TOX: variants seen among roughly 807,000 people sequenced by gnomAD.
TOX encodes the protein thymocyte selection associated high mobility group box.
TOX carries 11 observed loss-of-function variants against 53.7 expected under a neutral mutation model. The observed-to-expected ratio is 0.20, with a 90% confidence interval of 0.13 to 0.34. The LOEUF (loss-of-function observed/expected upper bound fraction) is 0.34, where lower values mean the gene tolerates loss of function less well. TOX is among the 10% of genes least tolerant of loss of function. The pLI is 1.00. For synonymous variants in TOX, 225 were observed against 245.3 expected, an observed-to-expected ratio of 0.92 and a Z score of 0.77; for missense variants, 570 against 664.6, an observed-to-expected ratio of 0.86 and a Z score of 1.56.
chr8:58,925,303 G>C (rs1812137190), intron 3 of TOX, among the ~76,000 whole-genome samples: 1 of 152,174 alleles, frequency 6.6e-6, no homozygotes. Context: ...AAACTCACAT[G>C]AGAATAAAGA....
intron 1 of TOX, among the ~76,000 whole-genome samples, chr8:59,036,432 T>C (rs1176071614): frequency 6.6e-6 from 1 of 152,188 alleles, no homozygotes; most frequent in African/African-American, 2.4e-5. Flanking sequence ...GGAGACTGTG[T>C]TATCTCTACT....
intron 1 of TOX, among the ~76,000 whole-genome samples, chr8:59,020,436 T>C (rs1376036649): frequency 6.6e-6 from 1 of 152,172 alleles, no homozygotes; most frequent in Non-Finnish European, 1.5e-5. Context: ...CAAAACTCAC[T>C]CTACTTTCCA....
chr8:58,817,242 G>A (rs557928060), intron 6 of TOX, among the ~76,000 whole-genome samples: 1 of 152,190 alleles, frequency 6.6e-6, no homozygotes, highest in Admixed American at 6.5e-5. Context: ...TGTTGATGCA[G>A]CTTTCTGAAA....
Position 58,872,581 on chromosome 8 carries a change from T to G in TOX, c.412-20776A>C, listed in dbSNP as rs183782847. 6.8e-3 allele frequency among the ~76,000 whole-genome samples: 1,038 copies of G among 152,250 alleles called. 4 individuals are homozygous for G. Among genetic ancestry groups the G allele is most frequent in the Middle Eastern group, 0.02 (6 of 294 alleles). ...CTGATAATGTGGACCCTTGAAATGA[T>G]GTGATGAGAATGGCACTTTACCTCT... On this transcript the variant is annotated intron_variant, in intron 3 of 8. Coordinates refer to ENST00000361421, the MANE Select transcript of TOX (RefSeq NM_014729.3).
intron 3 of TOX, among the ~76,000 whole-genome samples, chr8:58,893,553 A>G (rs1201605894): frequency 6.6e-6 from 1 of 152,202 alleles, no homozygotes; most frequent in Non-Finnish European, 1.5e-5. Context: ...TTAATTTGTT[A>G]TAAGTTCAGT....
chr8:58,854,124 G>A (rs1810871367), intron 3 of TOX, among the ~76,000 whole-genome samples: 1 of 152,110 alleles, frequency 6.6e-6, no homozygotes, highest in East Asian at 1.9e-4. Flanking sequence ...ATGTTTTATA[G>A]CCTTGTAAAT....
At chr8:59,038,200 T>C (rs922701584) in intron 1 of TOX, among the ~76,000 whole-genome samples, 1 of 152,254 alleles carries the variant, frequency 6.6e-6, no homozygotes, top group African/African-American at 2.4e-5. Context: ...CATTTCGATC[T>C]GTCATAACAG....
At chr8:58,970,975 T>C (rs566884446) in intron 1 of TOX, among the ~76,000 whole-genome samples, 2 of 152,358 alleles carry the variant, frequency 1.3e-5, no homozygotes, top group Middle Eastern at 3.4e-3. Flanking sequence ...TTTCCACATC[T>C]TCCTATTCTA....
At chr8:59,066,560 A>G (rs949105171) in intron 1 of TOX, among the ~76,000 whole-genome samples, 6 of 152,162 alleles carry the variant, frequency 3.9e-5, no homozygotes, top group African/African-American at 1.4e-4. Context: ...TTAATTACAG[A>G]TTGCCTGCCT....
chr8:59,013,845 C>A (rs1043851259), intron 1 of TOX, among the ~76,000 whole-genome samples: 1 of 152,212 alleles, frequency 6.6e-6, no homozygotes, highest in Non-Finnish European at 1.5e-5. Context: ...CAAGAAAAAT[C>A]AAGTCATGTT....
chr8:59,002,629 A>T (rs951660402), intron 1 of TOX, among the ~76,000 whole-genome samples: 2 of 152,022 alleles, frequency 1.3e-5, no homozygotes, highest in Non-Finnish European at 2.9e-5. Context: ...AAACAAAAAA[A>T]ATCAGGCATA....
At chr8:58,970,957 A>G (rs995392410) in intron 1 of TOX, among the ~76,000 whole-genome samples, 1 of 152,176 alleles carries the variant, frequency 6.6e-6, no homozygotes, top group African/African-American at 2.4e-5. Context: ...ACCAGATCCT[A>G]CTTTAGTTTT....
In TOX at chr8:58,966,406, C is replaced by T. The variant is rs564472188; in HGVS notation, c.103-6398G>A. On this transcript the variant is annotated intron_variant, in intron 1 of 8. Coordinates refer to ENST00000361421, the MANE Select transcript of TOX (RefSeq NM_014729.3). The stretch of plus-strand genomic sequence containing the variant: ...CAACTCAGGAGCACACAGAGCTGAA[C>T]TAGGGAAGAGCAATCCCTCTTGATT... 5.3e-5 allele frequency among the ~76,000 whole-genome samples: 8 copies of T among 152,320 alleles called. No homozygotes were observed. In the South Asian group the frequency reaches 1.7e-3, roughly 32 times the overall value.
intron 1 of TOX, among the ~76,000 whole-genome samples, chr8:59,049,557 A>C (rs1038185784): frequency 2.6e-5 from 4 of 152,212 alleles, no homozygotes; most frequent in African/African-American, 9.6e-5. Flanking sequence ...TCTTCATTGA[A>C]TAAGACAACC....
intron 3 of TOX, among the ~76,000 whole-genome samples, chr8:58,912,804 C>T (rs894818252): frequency 6.6e-6 from 1 of 152,150 alleles, no homozygotes. Flanking sequence ...CACATGCTCT[C>T]CTATCTCTTC....
intron 3 of TOX, among the ~76,000 whole-genome samples, chr8:58,895,928 A>G (rs1811636941): frequency 6.6e-6 from 1 of 152,240 alleles, no homozygotes; most frequent in African/African-American, 2.4e-5. Context: ...CTTCCAGCGC[A>G]GAGCCCAGCC....
intron 3 of TOX, among the ~76,000 whole-genome samples, chr8:58,923,529 T>C (rs1326356530): frequency 6.6e-6 from 1 of 152,226 alleles, no homozygotes; most frequent in Non-Finnish European, 1.5e-5. Context: ...CTTCTCCCTG[T>C]CATTCATTAA....
intron 1 of TOX, among the ~76,000 whole-genome samples, chr8:59,036,688 T>A (rs1814465325): frequency 6.6e-6 from 1 of 152,262 alleles, no homozygotes; most frequent in African/African-American, 2.4e-5. Flanking sequence ...TTTTCTATAG[T>A]ATCAGTGTTT....
At chr8:59,008,923 G>C (rs934528191) in intron 1 of TOX, among the ~76,000 whole-genome samples, 5 of 152,206 alleles carry the variant, frequency 3.3e-5, no homozygotes, top group African/African-American at 1.2e-4. Flanking sequence ...CTGAAGGCAG[G>C]GAGCTGTGGG....
Sources: allele counts gnomAD v4.1 joint callset (sites outside exome capture counted in the v4.1 genomes callset), GRCh38; gene constraint gnomAD v4.1.1; transcripts MANE v1.5; gene names NCBI Gene and HGNC (gene_info 2026-07-23, HGNC 2026-07-21).